Variants in USH2A observed in about 807,000 individuals in gnomAD.
USH2A encodes the protein Usher syndrome 2A (autosomal recessive, mild).
Under a neutral mutation model 538.9 loss-of-function variants are expected in USH2A, and 443 were observed. That is an observed-to-expected ratio of 0.82 (90% CI 0.76 to 0.89). The LOEUF is 0.89. Among genes scored for constraint, USH2A ranks in the 40% least tolerant of loss-of-function variants. The pLI is 0.00. For missense variants in USH2A, 6,633 were observed against 6,324.8 expected (o/e 1.05, Z -1.65); for synonymous variants, 2,413 against 2,273.5 (o/e 1.06, Z -1.75).
chr1:215,819,589 G>A (rs956926498), intron 47 of USH2A, among the ~76,000 whole-genome samples: 13 of 151,842 alleles, frequency 8.6e-5, no homozygotes, highest in African/African-American at 3.1e-4. Context: ...ACATTCTGCA[G>A]ATACCTTTTG....
At chr1:216,204,404 A>T (rs2035066801) in intron 16 of USH2A, 1 of 143,024 alleles carries the variant, frequency 7.0e-6, no homozygotes, top group Admixed American at 7.4e-5. Context: ...AATCTTTAAA[A>T]TTATTCATTA....
At chr1:216,244,548 A>G (rs1442433532) in intron 13 of USH2A, among the ~76,000 whole-genome samples, 2 of 152,184 alleles carry the variant, frequency 1.3e-5, no homozygotes, top group East Asian at 1.9e-4. Context: ...CACCACAATG[A>G]GAGCCACAAA....
At chr1:216,080,423 A>T (rs973005896) in intron 26 of USH2A, among the ~76,000 whole-genome samples, 1 of 152,038 alleles carries the variant, frequency 6.6e-6, no homozygotes, top group Admixed American at 6.6e-5. Flanking sequence ...AATAAAAATC[A>T]TTGGGCTAGG....
intron 41 of USH2A, among the ~76,000 whole-genome samples, chr1:215,886,070 A>G (rs1325877791): frequency 6.6e-6 from 1 of 152,214 alleles, no homozygotes; most frequent in East Asian, 1.9e-4. Flanking sequence ...ATGTTCACTC[A>G]TGTACTGATG....
chr1:215,702,717 T>G (rs765914374), intron 61 of USH2A, among the ~76,000 whole-genome samples: 2 of 151,984 alleles, frequency 1.3e-5, no homozygotes, highest in Non-Finnish European at 2.9e-5. Flanking sequence ...CCTGTAACCT[T>G]TTTTTTCAAG....
chr1:215,970,873 G>T, intron 35 of USH2A, 97 bp from the exon 36 acceptor site: 1 of 1,253,438 alleles, frequency 8.0e-7, no homozygotes, highest in Non-Finnish European at 1.2e-6. Flanking sequence ...CTAGTTTCAT[G>T]GAATCATTAA....
chr1:216,248,494 C>T (rs888818514), intron 12 of USH2A, among the ~76,000 whole-genome samples: 2 of 151,658 alleles, frequency 1.3e-5, no homozygotes, highest in African/African-American at 4.8e-5. Context: ...TACTCAGGAA[C>T]TCATATGTAG....
intron 32 of USH2A, among the ~76,000 whole-genome samples, chr1:216,002,885 G>A (rs1668299291): frequency 6.6e-6 from 1 of 152,084 alleles, no homozygotes; most frequent in African/African-American, 2.4e-5. Flanking sequence ...TCTCAAGAAT[G>A]CATCATCATA....
chr1:216,015,018 T>G (rs1168253451), intron 32 of USH2A, among the ~76,000 whole-genome samples: 1 of 152,172 alleles, frequency 6.6e-6, no homozygotes, highest in Non-Finnish European at 1.5e-5. Flanking sequence ...ATCTAATACA[T>G]ATTGTCTGGG....
chr1:216,248,466 A>AAAT (rs935725808), intron 12 of USH2A, among the ~76,000 whole-genome samples: 80 of 152,132 alleles, frequency 5.3e-4, no homozygotes, highest in African/African-American at 1.9e-3. Flanking sequence ...ATTAATCTTA[A>AAAT]AATAAGAGTC....
intron 11 of USH2A, among the ~76,000 whole-genome samples, chr1:216,278,024 A>T (rs1341613244): frequency 6.6e-6 from 1 of 152,118 alleles, no homozygotes; most frequent in African/African-American, 2.4e-5. Context: ...TTCTAACTAC[A>T]TTGCTATTGG....
chr1:215,851,151 A>G (rs1664006019), intron 44 of USH2A, among the ~76,000 whole-genome samples: 1 of 152,212 alleles, frequency 6.6e-6, no homozygotes, highest in African/African-American at 2.4e-5. Flanking sequence ...AAACAAGTAC[A>G]AACTAAACCC....
rs772499596 is a variant in USH2A, at chr1:215,779,854, T to C, written c.10928A>G (p.His3643Arg). 1 of 1,614,078 alleles carries C rather than the reference T, an allele frequency of 6.2e-7. No homozygotes were observed. Among genetic ancestry groups the C allele is most frequent in the East Asian group, 2.2e-5 (1 of 44,868 alleles). The stretch of plus-strand genomic sequence containing the variant: ...TTTTGTTTTCTCACCTGTGACCGTA[T>C]GCTGTCTCCTGTCAGTGGTGTCAGT... ...IHTDTTDRRQ[H>R]TVTGLQPYTN... The change falls in exon 55 of 72, where the codon CAT becomes CGT. Residue 3643 changes from histidine (H) to arginine (R), a missense_variant. His to Arg is a conservative substitution (Grantham distance 29). Coordinates refer to ENST00000307340, the MANE Select transcript of USH2A (RefSeq NM_206933.4).
At chr1:216,147,210 C>T (rs540409125) in intron 21 of USH2A, among the ~76,000 whole-genome samples, 338 of 152,090 alleles carry the variant, frequency 2.2e-3, no homozygotes, top group African/African-American at 7.2e-3. Context: ...TCTGACCTCT[C>T]CCTTCCTCCC....
intron 37 of USH2A, among the ~76,000 whole-genome samples, chr1:215,959,159 A>AT (rs71556644): frequency 2.0e-5 from 3 of 151,702 alleles, no homozygotes; most frequent in Non-Finnish European, 4.4e-5. Flanking sequence ...ATATTATAGA[A>AT]TTTTTTTTAA....
At chr1:215,756,975 A>C (rs1271171021) in intron 58 of USH2A, among the ~76,000 whole-genome samples, 1 of 152,024 alleles carries the variant, frequency 6.6e-6, no homozygotes, top group African/African-American at 2.4e-5. Context: ...AAATTAAACA[A>C]AAGTAGAAAT....
chr1:216,090,364 G>A (rs577068466), intron 22 of USH2A, among the ~76,000 whole-genome samples: 1 of 150,044 alleles, frequency 6.7e-6, no homozygotes, highest in South Asian at 2.1e-4. Context: ...ACATTTAATT[G>A]GTTCCTGTCG....
In USH2A at chr1:216,089,603, A is replaced by C. The variant is rs138758491; in HGVS notation, c.4759-464T>G. Among the ~76,000 whole-genome samples, 589 of 152,180 alleles carry C rather than the reference A, an allele frequency of 3.9e-3. 3 individuals are homozygous for C. The highest frequency in any genetic ancestry group is 0.014 in the African/African-American group (566 of 41,566). On this transcript the variant is annotated intron_variant, in intron 22 of 71. Coordinates refer to ENST00000307340, the MANE Select transcript of USH2A (RefSeq NM_206933.4). ...TATCTTCACAAAATTATCAATAACA[A>C]ATGGGAATGACATTCACCTTAAAAA...
rs546187644 is a variant in USH2A at position 216,238,658 on chromosome 1, A to T, written c.2810-6522T>A. ...ACAAATTGCCTATAAATTTTACTTG[A>T]ATTAAACCTATTCCTTGTACATTCG... On this transcript the variant is annotated intron_variant, in intron 13 of 71. Transcript: ENST00000307340. Among the ~76,000 whole-genome samples the T allele has an allele frequency of 2.6e-5, 4 of 152,320 alleles. No individual in the cohort carries two copies. The South Asian group carries it at 8.3e-4, about 32-fold the overall frequency.
Sources: gnomAD v4.1 joint callset for allele counts (sites outside exome capture counted in the v4.1 genomes callset) on GRCh38, gnomAD v4.1.1 for gene constraint, MANE v1.5 for transcripts, NCBI Gene and HGNC (gene_info 2026-07-23, HGNC 2026-07-21) for gene names.